Variants in RYR2 observed in about 807,000 individuals in gnomAD.
RYR2 encodes ryanodine receptor 2.
Under a neutral mutation model 601.1 loss-of-function variants are expected in RYR2, and 227 were observed. The ratio of observed to expected loss-of-function variants is 0.38; its 90% CI spans 0.34 to 0.42. RYR2 has a LOEUF of 0.42. RYR2 is among the 10% of genes least tolerant of loss of function. The pLI is 1.00. For synonymous variants in RYR2, 2,223 were observed against 2,175.1 expected (o/e 1.02, Z -0.61); for missense variants, 4,646 against 6,156.5 (o/e 0.75, Z 8.21).
chr1:237,425,538 G>A (rs1228007778), intron 12 of RYR2, among the ~76,000 whole-genome samples: 1 of 152,072 alleles, frequency 6.6e-6, no homozygotes, highest in East Asian at 1.9e-4. Flanking sequence ...GGAAGCTGAG[G>A]CAGGAGAATC....
In RYR2 at chr1:237,660,882, A is replaced by T; in HGVS notation, c.8371A>T (p.Arg2791Ter). 6.5e-7 allele frequency: 1 copy of T among 1,540,670 alleles called. No individual in the cohort carries two copies. Among genetic ancestry groups the T allele is most frequent in the Non-Finnish European group, 8.8e-7 (1 of 1,140,506 alleles). ...TMLAWGWRIE[R>*]TREGDSMALY... The stretch of plus-strand genomic sequence containing the variant: ...GCTGGCTTGGGGCTGGAGAATTGAA[A>T]GAACTCGGGAGGGAGACAGCATGGC... Residue 2791 changes from arginine (R) to a stop codon, truncating the protein, a stop_gained, in exon 56 of 105, where the codon AGA (arginine) becomes TGA (stop). Coordinates refer to ENST00000366574, the MANE Select transcript of RYR2 (RefSeq NM_001035.3). LOFTEE classifies it high-confidence loss of function.
intron 24 of RYR2, among the ~76,000 whole-genome samples, chr1:237,525,785 G>C (rs893422697): frequency 3.3e-5 from 5 of 152,122 alleles, no homozygotes; most frequent in African/African-American, 1.2e-4. Flanking sequence ...TTTGAGACCA[G>C]CCTGGCCAAC....
Position 237,208,974 on chromosome 1 carries a change from ATATATATATATG to A in RYR2, c.49-61518_49-61507del, listed in dbSNP as rs1279349799. On this transcript the variant is annotated intron_variant, in intron 1 of 104. Transcript: ENST00000366574. ...TATATATATATATATATATATATAT[ATATATATATATG>A]TATACTGTAATTGAACTATGATTCA... Among the ~76,000 whole-genome samples, 626 of 96,066 alleles carry A rather than the reference ATATATATATATG, an allele frequency of 6.5e-3. 13 individuals are homozygous for A. Among genetic ancestry groups the A allele is most frequent in the African/African-American group, 0.019 (553 of 29,106 alleles). The allele number at this position is 96,066 out of a possible 152,430, so 63.0% of individuals were successfully genotyped here.
At chr1:237,345,458 A>T (rs1225506727) in intron 3 of RYR2, among the ~76,000 whole-genome samples, 2 of 140,550 alleles carry the variant, frequency 1.4e-5, no homozygotes, top group Non-Finnish European at 3.0e-5. Flanking sequence ...TCTGCCAAAA[A>T]ATAAAAAATA....
chr1:237,512,108 G>A lies in RYR2; in HGVS notation c.2822+317G>A, dbSNP rs528897491. 8.7e-4 allele frequency among the ~76,000 whole-genome samples: 132 copies of A among 152,202 alleles called. 3 individuals carry two copies. Among genetic ancestry groups the A allele is most frequent in the South Asian group, 1.2e-3 (6 of 4,824 alleles). On this transcript the variant is annotated intron_variant, in intron 24 of 104. Transcript: ENST00000366574. ...GTCCACAGAATGTGGGCTGTGGACC[G>A]GGACTGTGTCAGTCACAAATTGTTA...
chr1:237,800,284 T>TC (rs1216017021), intron 97 of RYR2, among the ~76,000 whole-genome samples: 3 of 152,168 alleles, frequency 2.0e-5, no homozygotes, highest in Non-Finnish European at 4.4e-5. Flanking sequence ...CTACATTTTT[T>TC]CCCCCAACTC....
chr1:237,786,537 A>G (rs1205344430), intron 91 of RYR2, among the ~76,000 whole-genome samples: 1 of 152,218 alleles, frequency 6.6e-6, no homozygotes, highest in Non-Finnish European at 1.5e-5. Flanking sequence ...GCCCCAAGCC[A>G]TAGATCCTGC....
intron 37 of RYR2, among the ~76,000 whole-genome samples, 178 bp from the exon 38 acceptor site, chr1:237,617,108 T>G (rs1337006272): frequency 1.3e-5 from 2 of 152,190 alleles, no homozygotes; most frequent in African/African-American, 4.8e-5. Context: ...CCATTTTTGC[T>G]TATACAAATT....
intron 20 of RYR2, among the ~76,000 whole-genome samples, chr1:237,499,767 A>G (rs748870132): frequency 6.6e-6 from 1 of 152,228 alleles, no homozygotes; most frequent in Admixed American, 6.5e-5. Context: ...AATTATTAAA[A>G]ATACAAAGCA....
chr1:237,700,088 T>A (rs978805115), intron 64 of RYR2, 141 bp from the exon 65 acceptor site: 10 of 603,266 alleles, frequency 1.7e-5, no homozygotes, highest in Admixed American at 1.5e-4. Context: ...ATTGAAAAAA[T>A]TTGTTTTAGA....
Position 237,343,772 on chromosome 1 carries a change from T to C in RYR2, c.274-12193T>C, listed in dbSNP as rs189181927. On this transcript the variant is annotated intron_variant, in intron 3 of 104. Coordinates refer to ENST00000366574, the MANE Select transcript of RYR2 (RefSeq NM_001035.3). Reference sequence around the variant, plus strand: ...ATGTGGATGGTACTAATGATACAGATATTTAAGTTTTGTTGATTTGTATGT... The same window carrying C: ...ATGTGGATGGTACTAATGATACAGACATTTAAGTTTTGTTGATTTGTATGT... Among the ~76,000 whole-genome samples, 197 of 152,042 alleles carry C rather than the reference T, an allele frequency of 1.3e-3. 1 individual carries two copies. Among genetic ancestry groups the C allele is most frequent in the Middle Eastern group, 6.8e-3 (2 of 292 alleles).
chr1:237,712,622 A>C (rs1688942105), intron 71 of RYR2, among the ~76,000 whole-genome samples: 1 of 152,188 alleles, frequency 6.6e-6, no homozygotes, highest in South Asian at 2.1e-4. Context: ...CTATGTGTCC[A>C]TCAAGTGTGA....
intron 5 of RYR2, among the ~76,000 whole-genome samples, chr1:237,366,265 C>T (rs1310477654): frequency 6.6e-6 from 1 of 152,194 alleles, no homozygotes; most frequent in Non-Finnish European, 1.5e-5. Flanking sequence ...AAGACACCAT[C>T]CCAAGTAAGC....
intron 67 of RYR2, among the ~76,000 whole-genome samples, chr1:237,706,215 C>T (rs1389773402): frequency 2.6e-5 from 4 of 152,110 alleles, no homozygotes; most frequent in Admixed American, 2.0e-4. Flanking sequence ...CGCCACTGCA[C>T]TCCAGCCTGG....
At chr1:237,191,572 C>A (rs149395530) in intron 1 of RYR2, among the ~76,000 whole-genome samples, 4 of 152,054 alleles carry the variant, frequency 2.6e-5, no homozygotes, top group African/African-American at 9.7e-5. Context: ...TCTTTTGCTG[C>A]GGAGGGGCTT....
At chr1:237,692,451 C>CA (rs1687029265) in intron 63 of RYR2, among the ~76,000 whole-genome samples, 1 of 152,188 alleles carries the variant, frequency 6.6e-6, no homozygotes, top group South Asian at 2.1e-4. Context: ...CCTGCATATT[C>CA]AGTGGCTTCC....
At position 237,143,106 on chromosome 1, in the gene RYR2, A is replaced by G. The variant is rs1026697865; in HGVS notation, c.48+100537A>G. 1.2e-4 allele frequency among the ~76,000 whole-genome samples: 19 copies of G among 152,162 alleles called. 1 individual carries two copies. The highest frequency in any genetic ancestry group is 1.2e-3 in the Admixed American group (18 of 15,268). On this transcript the variant is annotated intron_variant, in intron 1 of 104. Transcript: ENST00000366574. ...AAGGTCCCTAACCAGAAATTCATAA[A>G]TTTGCCAGGGCACAAAAGTACCTGC... is the stretch of plus-strand genomic sequence containing the variant.
rs2149843251 is a variant in RYR2, at chr1:237,387,370, G to A, written c.666G>A (p.Glu222=). The A allele has an allele frequency of 2.5e-6, 4 of 1,613,940 alleles. No homozygotes were observed. The highest frequency in any genetic ancestry group is 3.4e-6 in the Non-Finnish European group (4 of 1,179,848). Residue 222 remains glutamate (E), a synonymous_variant, in exon 9 of 105, where the codon GAG becomes GAA. Transcript: ENST00000366574. ...WSVAPISSGS[E]AAQGYLIGGD... is the part of the protein sequence containing the mutation. ...TGGCCCCAATCAGCTCAGGAAGTGAGGCAGCCCAAGGTAAAAACTCCACTT... is the reference window on the plus strand; with the variant it reads ...TGGCCCCAATCAGCTCAGGAAGTGAAGCAGCCCAAGGTAAAAACTCCACTT...
intron 1 of RYR2, among the ~76,000 whole-genome samples, chr1:237,201,006 C>T (rs1020884659): frequency 6.6e-6 from 1 of 152,168 alleles, no homozygotes; most frequent in Non-Finnish European, 1.5e-5. Context: ...TGTAGGGTTC[C>T]CAAATCTCAT....
Sources: allele counts gnomAD v4.1 joint callset (sites outside exome capture counted in the v4.1 genomes callset), GRCh38; gene constraint gnomAD v4.1.1; transcripts MANE v1.5; gene names NCBI Gene and HGNC (gene_info 2026-07-23, HGNC 2026-07-21).